GLIS3: variants seen among roughly 807,000 people sequenced by gnomAD.
GLIS3 encodes the protein GLIS family zinc finger 3, also known as zinc finger protein GLIS3.
GLIS3 carries 53 observed loss-of-function variants against 78.6 expected under a neutral mutation model. That is an observed-to-expected ratio of 0.67 (90% CI 0.54 to 0.85). GLIS3 has a LOEUF of 0.85. GLIS3 is among the 40% of genes least tolerant of loss of function. GLIS3 has a pLI of 0.00. For synonymous variants in GLIS3, 684 were observed against 509.9 expected (o/e 1.34, Z -4.60); for missense variants, 1,703 against 1,231.1 (o/e 1.38, Z -5.74).
At chr9:4,056,207 A>T (rs1376266383) in intron 4 of GLIS3, among the ~76,000 whole-genome samples, 1 of 152,208 alleles carries the variant, frequency 6.6e-6, no homozygotes, top group African/African-American at 2.4e-5. Flanking sequence ...AGAATTTCTA[A>T]TTTATCTCTA....
chr9:4,288,051 T>A (rs1188588683), intron 1 of GLIS3, among the ~76,000 whole-genome samples: 1 of 151,730 alleles, frequency 6.6e-6, no homozygotes, highest in Non-Finnish European at 1.5e-5. Flanking sequence ...TGCCCTCTTC[T>A]CCCATGAGTA....
rs181910996 is a variant in GLIS3, at chr9:3,924,751, G to C, written c.1983+7609C>G. ...TGGTGGGGATGGAGAGGGAGTGCCT[G>C]AGAAGGGCAATAGTGAGCTGTGTTA... On this transcript the variant is annotated intron_variant, in intron 6 of 10. Transcript: ENST00000381971. Among the ~76,000 whole-genome samples the C allele has an allele frequency of 2.0e-5, 3 of 152,334 alleles. No homozygotes were observed. In the East Asian group the frequency reaches 5.8e-4, roughly 29 times the overall value.
chr9:3,835,657 C>T (rs1040674442), intron 9 of GLIS3, among the ~76,000 whole-genome samples: 3 of 152,206 alleles, frequency 2.0e-5, no homozygotes, highest in African/African-American at 7.2e-5. Flanking sequence ...TTAACAGTAT[C>T]TACTTGTAAT....
the GLIS3 span, among the ~76,000 whole-genome samples, chr9:4,395,486 C>G: frequency 1.3e-5 from 2 of 152,190 alleles, no homozygotes; most frequent in East Asian, 3.8e-4. Context: ...CTACCCAAAT[C>G]CAGCTCCGAT....
chr9:3,833,826 A>C (rs1324459021), intron 9 of GLIS3, among the ~76,000 whole-genome samples: 1 of 152,206 alleles, frequency 6.6e-6, no homozygotes, highest in Non-Finnish European at 1.5e-5. Flanking sequence ...AGGAACTTGC[A>C]GATAAATGTA....
chr9:3,983,650 G>A (rs575138245), intron 4 of GLIS3, among the ~76,000 whole-genome samples: 1 of 152,184 alleles, frequency 6.6e-6, no homozygotes, highest in Non-Finnish European at 1.5e-5. Flanking sequence ...TGGAACAAAG[G>A]TGACTCTTGT....
the GLIS3 span, among the ~76,000 whole-genome samples, chr9:4,428,759 A>G: frequency 3.3e-5 from 5 of 152,138 alleles, no homozygotes; most frequent in Non-Finnish European, 7.4e-5. Flanking sequence ...ATTTCTATAG[A>G]GACATTGAGA....
At chr9:4,304,809 C>T (rs1352627283), upstream of GLIS3, among the ~76,000 whole-genome samples, 1 of 152,212 alleles carries the variant, frequency 6.6e-6, no homozygotes, top group Non-Finnish European at 1.5e-5. Flanking sequence ...TTTGAAAAAA[C>T]TTGGAGATTT....
At chr9:4,171,495 A>C (rs1816370101) in intron 2 of GLIS3, among the ~76,000 whole-genome samples, 1 of 152,232 alleles carries the variant, frequency 6.6e-6, no homozygotes, top group Non-Finnish European at 1.5e-5. Context: ...AATAAACCTC[A>C]TTCACTTAAT....
chr9:4,443,802 G>C, the GLIS3 span, among the ~76,000 whole-genome samples: 1 of 152,190 alleles, frequency 6.6e-6, no homozygotes, highest in East Asian at 1.9e-4. Flanking sequence ...ACCTAGAAAA[G>C]TCCTTGTTTT....
chr9:3,959,248 G>T (rs150971253), intron 4 of GLIS3, among the ~76,000 whole-genome samples: 1 of 152,172 alleles, frequency 6.6e-6, no homozygotes, highest in Non-Finnish European at 1.5e-5. Context: ...CTTCCACCAC[G>T]TGAGGACACA....
chr9:4,435,436 A>G, the GLIS3 span, among the ~76,000 whole-genome samples: 1 of 152,178 alleles, frequency 6.6e-6, no homozygotes, highest in African/African-American at 2.4e-5. Context: ...CATGTGGAGC[A>G]CATTCCTCAG....
At chr9:3,902,634 C>A (rs996819510) in intron 6 of GLIS3, among the ~76,000 whole-genome samples, 1 of 152,148 alleles carries the variant, frequency 6.6e-6, no homozygotes, top group African/African-American at 2.4e-5. Context: ...CAGCGCCCCA[C>A]CCCAGAGCTG....
chr9:4,212,073 T>C (rs1275021894), intron 2 of GLIS3, among the ~76,000 whole-genome samples: 4 of 152,210 alleles, frequency 2.6e-5, no homozygotes, highest in African/African-American at 7.2e-5. Context: ...ATTCTAAAAC[T>C]GGATTATGGT....
chr9:4,139,478 A>G (rs1447277999), intron 2 of GLIS3, among the ~76,000 whole-genome samples: 1 of 152,184 alleles, frequency 6.6e-6, no homozygotes, highest in Non-Finnish European at 1.5e-5. Flanking sequence ...AACTGTTGAT[A>G]TGTCTCTAAA....
At chr9:4,266,285 A>C (rs1826000954) in intron 2 of GLIS3, among the ~76,000 whole-genome samples, 1 of 152,066 alleles carries the variant, frequency 6.6e-6, no homozygotes, top group Non-Finnish European at 1.5e-5. Context: ...AAGAAGAAAA[A>C]AAAAAATCTT....
intron 4 of GLIS3, among the ~76,000 whole-genome samples, chr9:4,104,500 CT>C (rs375367250): frequency 4.7e-4 from 71 of 152,288 alleles, no homozygotes; most frequent in Non-Finnish European, 9.3e-4. Context: ...ACTTCCACTC[CT>C]TGTTCCCCTT....
intron 2 of GLIS3, among the ~76,000 whole-genome samples, chr9:4,341,473 G>T (rs915722569): frequency 6.6e-6 from 1 of 152,166 alleles, no homozygotes. Context: ...CAAGGTCACT[G>T]ATCTCCAGTA....
chr9:4,367,105 A>G, the GLIS3 span, among the ~76,000 whole-genome samples: 1 of 152,182 alleles, frequency 6.6e-6, no homozygotes, highest in Non-Finnish European at 1.5e-5. Flanking sequence ...AATGACAAAA[A>G]TCATATTACT....
Sources: allele counts gnomAD v4.1 joint callset (sites outside exome capture counted in the v4.1 genomes callset), GRCh38; gene constraint gnomAD v4.1.1; transcripts MANE v1.5; gene names NCBI Gene and HGNC (gene_info 2026-07-23, HGNC 2026-07-21).